The following SAMD4A variants were observed in gnomAD, a reference collection of about 807,000 sequenced individuals.
SAMD4A encodes the protein sterile alpha motif domain containing 4A.
In SAMD4A, 33 loss-of-function variants were observed where a neutral mutation model predicts 81.3. That is an observed-to-expected ratio of 0.41 (90% CI 0.31 to 0.54). SAMD4A has a LOEUF of 0.54. SAMD4A is among the 20% of genes least tolerant of loss of function. The probability of loss-of-function intolerance (pLI) is 0.37; values close to 1 mark genes in which losing one functional copy is unlikely to be tolerated. For missense variants in SAMD4A, 854 were observed against 951.1 expected (o/e 0.90, Z 1.34); for synonymous variants, 389 against 382.1 (o/e 1.02, Z -0.21).
chr14:54,783,456 C>T (rs893280973), intron 11 of SAMD4A, among the ~76,000 whole-genome samples: 49 of 152,128 alleles, frequency 3.2e-4, no homozygotes, highest in African/African-American at 1.1e-3. Flanking sequence ...TCACAAGAGG[C>T]GACATTGGAA....
Position 54,766,869 on chromosome 14 carries a change from C to T in SAMD4A, c.1596+2329C>T, listed in dbSNP as rs143078094. ...CTTCCTAATTGTCCCTCGGCAGCCC[C>T]GAAACTCTGGCCTGACGCTTCCTGC... On this transcript the variant is annotated intron_variant, in intron 8 of 12. Coordinates refer to ENST00000554335, the MANE Select transcript of SAMD4A (RefSeq NM_015589.6). Among the ~76,000 whole-genome samples the T allele has an allele frequency of 2.4e-4, 36 of 152,222 alleles. No homozygotes were observed. In the East Asian group the frequency reaches 3.9e-3, roughly 16 times the overall value.
intron 2 of SAMD4A, among the ~76,000 whole-genome samples, chr14:54,586,220 T>G (rs1209725232): frequency 6.6e-6 from 1 of 152,166 alleles, no homozygotes; most frequent in East Asian, 1.9e-4. Flanking sequence ...TTGTTGGCCA[T>G]TTGTATATCT....
At chr14:54,577,190 C>A (rs1182433496) in intron 2 of SAMD4A, among the ~76,000 whole-genome samples, 1 of 152,216 alleles carries the variant, frequency 6.6e-6, no homozygotes, top group African/African-American at 2.4e-5. Context: ...ATCCATTATT[C>A]CCCTCTCCCT....
intron 2 of SAMD4A, among the ~76,000 whole-genome samples, chr14:54,611,451 G>A (rs1054424074): frequency 6.6e-6 from 1 of 152,190 alleles, no homozygotes; most frequent in South Asian, 2.1e-4. Flanking sequence ...TCGTAGCCTA[G>A]AGAAGGCATT....
chr14:54,748,837 C>T lies in SAMD4A; in HGVS notation c.1002C>T (p.Ser334=). The T allele has an allele frequency of 6.4e-7, 1 of 1,553,568 alleles. No homozygotes were observed. Among genetic ancestry groups the T allele is most frequent in the Non-Finnish European group, 8.7e-7 (1 of 1,147,762 alleles). Residue 334 remains serine, a synonymous_variant, in exon 5 of 13, where the codon AGC becomes AGT. Transcript: ENST00000554335. ...GMKDVPAWLK[S]LRLHKYAALF... The stretch of plus-strand genomic sequence containing the variant: ...CAGATGTTCCAGCCTGGCTGAAAAG[C>T]CTCCGCCTGCACAAATATGCCGCGC...
Position 54,748,942 on chromosome 14 carries a change from C to T in SAMD4A, c.1089+18C>T, listed in dbSNP as rs1224268456. 6.5e-7 allele frequency: 1 copy of T among 1,531,148 alleles called. No homozygotes were observed. The highest frequency in any genetic ancestry group is 8.9e-7 in the Non-Finnish European group (1 of 1,128,408). 94.8% of individuals were successfully genotyped at this position (1,531,148 alleles called of 1,614,324 possible). On this transcript the variant is annotated intron_variant, in intron 5 of 12. Coordinates refer to ENST00000554335, the MANE Select transcript of SAMD4A (RefSeq NM_015589.6). ...AGGCGCAGGTATGTGCTTGAGGTGA[C>T]TGTTCCCTGAGAGGGTGCCCCAGGC...
At chr14:54,776,568 G>A in intron 11 of SAMD4A, 28 bp downstream of exon 11, 1 of 1,508,916 alleles carries the variant, frequency 6.6e-7, no homozygotes, top group Non-Finnish European at 8.9e-7. Flanking sequence ...ATGTCCCCTT[G>A]ACACAGAGGG....
At chr14:54,726,782 C>T (rs1293162372) in intron 3 of SAMD4A, among the ~76,000 whole-genome samples, 5 of 151,832 alleles carry the variant, frequency 3.3e-5, no homozygotes, top group Admixed American at 6.6e-5. Context: ...TTTTAAAAGG[C>T]TCAAAGGAAG....
chr14:54,685,480 G>C (rs546980345), intron 2 of SAMD4A, among the ~76,000 whole-genome samples: 1 of 152,168 alleles, frequency 6.6e-6, no homozygotes, highest in African/African-American at 2.4e-5. Context: ...TGTATATTCC[G>C]CATGTTGTTT....
intron 2 of SAMD4A, among the ~76,000 whole-genome samples, chr14:54,686,043 G>A (rs1227668538): frequency 6.6e-6 from 1 of 152,214 alleles, no homozygotes; most frequent in Admixed American, 6.5e-5. Flanking sequence ...TCCAGCGAAA[G>A]CTTTCTTGTA....
At chr14:54,575,846 T>C (rs1337873475) in intron 2 of SAMD4A, among the ~76,000 whole-genome samples, 1 of 152,128 alleles carries the variant, frequency 6.6e-6, no homozygotes, top group African/African-American at 2.4e-5. Flanking sequence ...TCTCACCGGC[T>C]CTTTGAACTA....
At chr14:54,695,638 G>A (rs1041716586) in intron 2 of SAMD4A, among the ~76,000 whole-genome samples, 9 of 152,162 alleles carry the variant, frequency 5.9e-5, no homozygotes, top group Non-Finnish European at 7.4e-5. Flanking sequence ...CTGGAAGCCC[G>A]CAATCACCTT....
At chr14:54,685,810 T>G in intron 2 of SAMD4A, 1 of 456,678 alleles carries the variant, frequency 2.2e-6, no homozygotes, top group African/African-American at 2.0e-5. Context: ...TCAGGCAGAT[T>G]GAGGTATGCA....
chr14:54,593,021 A>G (rs2033820847), intron 2 of SAMD4A, among the ~76,000 whole-genome samples: 3 of 152,226 alleles, frequency 2.0e-5, no homozygotes, highest in African/African-American at 7.2e-5. Context: ...TGTTTTATGG[A>G]AAATTTTAGA....
In SAMD4A at chr14:54,748,809, C is replaced by T; in HGVS notation, c.980-6C>T. 1.3e-6 allele frequency: 2 copies of T among 1,542,968 alleles called. No individual in the cohort carries two copies. Among genetic ancestry groups the T allele is most frequent in the Middle Eastern group, 1.7e-4 (1 of 5,974 alleles). ...CTCCCCATCTCTTGCACATCTTGCA[C>T]CACAGATGTTCCAGCCTGGCTGAAA... On this transcript the variant is annotated splice_polypyrimidine_tract_variant and splice_region_variant and intron_variant, in intron 4 of 12. Transcript: ENST00000554335.
intron 2 of SAMD4A, among the ~76,000 whole-genome samples, chr14:54,620,946 G>A (rs2034600383): frequency 6.6e-6 from 1 of 152,138 alleles, no homozygotes; most frequent in African/African-American, 2.4e-5. Flanking sequence ...CTTTTGTAGA[G>A]ATGAAACATT....
intron 3 of SAMD4A, among the ~76,000 whole-genome samples, chr14:54,712,579 A>G (rs969748819): frequency 1.3e-5 from 2 of 152,144 alleles, no homozygotes; most frequent in Non-Finnish European, 2.9e-5. Context: ...CCTGTTTCCA[A>G]GAGTCCAGGG....
At chr14:54,770,582 A>G (rs2038675925) in intron 9 of SAMD4A, among the ~76,000 whole-genome samples, 1 of 152,178 alleles carries the variant, frequency 6.6e-6, no homozygotes, top group South Asian at 2.1e-4. Context: ...GGGTTGTTCT[A>G]TCAATCAGCA....
chr14:54,608,222 G>T (rs931749616), intron 2 of SAMD4A, among the ~76,000 whole-genome samples: 1 of 152,078 alleles, frequency 6.6e-6, no homozygotes, highest in African/African-American at 2.4e-5. Context: ...CTACCTTCAT[G>T]TTGGGGATGA....
Sources: allele counts gnomAD v4.1 joint callset (sites outside exome capture counted in the v4.1 genomes callset), GRCh38; gene constraint gnomAD v4.1.1; transcripts MANE v1.5; gene names NCBI Gene and HGNC (gene_info 2026-07-23, HGNC 2026-07-21).